Variants in TMOD3 observed in about 807,000 individuals in gnomAD.
TMOD3 encodes tropomodulin 3.
Under a neutral mutation model 39.2 loss-of-function variants are expected in TMOD3, and 20 were observed. The observed-to-expected ratio is 0.51, with a 90% CI of 0.36 to 0.74. The LOEUF is 0.74. Ranked by LOEUF, TMOD3 falls within the 30% of genes least tolerant of loss-of-function variation. The pLI is 0.00. For missense variants in TMOD3, 381 were observed against 412.8 expected (o/e 0.92, Z 0.67); for synonymous variants, 143 against 145.8 (o/e 0.98, Z 0.14).
intron 6 of TMOD3, among the ~76,000 whole-genome samples, chr15:51,895,696 G>A (rs2056617234): frequency 6.6e-6 from 1 of 152,070 alleles, no homozygotes; most frequent in African/African-American, 2.4e-5. Context: ...TTAGTGCTTT[G>A]TAGCTTAAAC....
At chr15:51,835,461 A>G (rs544041860) in intron 1 of TMOD3, among the ~76,000 whole-genome samples, 16 of 152,240 alleles carry the variant, frequency 1.1e-4, no homozygotes, top group African/African-American at 3.9e-4. Flanking sequence ...GGCATGCACC[A>G]CCATAACTGG....
chr15:51,838,230 A>G (rs887877081), intron 1 of TMOD3, among the ~76,000 whole-genome samples: 6 of 152,018 alleles, frequency 3.9e-5, no homozygotes, highest in Non-Finnish European at 8.8e-5. Flanking sequence ...TGTGTAGCTA[A>G]TTCTGTCCCT....
At chr15:51,901,572 A>AGTGTGTGT (rs57976840) in intron 8 of TMOD3, 4,969 of 184,738 alleles carry the variant, frequency 0.027, 74 homozygotes, top group East Asian at 0.074. Flanking sequence ...TAAAAAGTTT[A>AGTGTGTGT]GTGTGTGTGT....
chr15:51,849,827 G>A (rs181548302), intron 1 of TMOD3, among the ~76,000 whole-genome samples: 60 of 152,082 alleles, frequency 3.9e-4, no homozygotes, highest in African/African-American at 1.3e-3. Flanking sequence ...CCAGCTACTC[G>A]GGAGGCTGAA....
intron 2 of TMOD3, among the ~76,000 whole-genome samples, chr15:51,868,456 C>A (rs1295425747): frequency 6.6e-6 from 1 of 152,160 alleles, no homozygotes; most frequent in Non-Finnish European, 1.5e-5. Flanking sequence ...CCTCCACCCT[C>A]CTCTATGCTC....
At chr15:51,882,095 T>C (rs1306317682) in intron 3 of TMOD3, among the ~76,000 whole-genome samples, 1 of 151,558 alleles carries the variant, frequency 6.6e-6, no homozygotes, top group Non-Finnish European at 1.5e-5. Context: ...TGGTGTCACC[T>C]TGTTGGCCAG....
rs1158908027 is a variant in TMOD3, at chr15:51,901,934, A to T, written c.922A>T (p.Met308Leu). 1 of 1,614,154 alleles carries T rather than the reference A, an allele frequency of 6.2e-7. No homozygotes were observed. The highest frequency in any genetic ancestry group is 1.7e-5 in the Admixed American group (1 of 60,024). ...AGCTGTAGAATTGGAAATGGCCAAG[A>T]TGCTTGAGGAAAATACAAATATCCT... ...GTAVELEMAKMLEENTNILKF... is the reference protein window; with the variant it reads ...GTAVELEMAKLLEENTNILKF... Residue 308 changes from methionine to leucine, a missense_variant, in exon 9 of 10, where the codon ATG (methionine) becomes TTG (leucine). By Grantham distance (15) the Met-to-Leu change is conservative (BLOSUM62 2). Transcript: ENST00000308580.
intron 7 of TMOD3, 113 bp downstream of exon 7, chr15:51,896,639 A>G (rs540493333): frequency 3.0e-5 from 21 of 702,452 alleles, no homozygotes; most frequent in Middle Eastern, 2.4e-4. Flanking sequence ...TTAGCTCACT[A>G]TTAGGCAGTA....
At chr15:51,834,377 G>C (rs1189517308) in intron 1 of TMOD3, among the ~76,000 whole-genome samples, 3 of 152,082 alleles carry the variant, frequency 2.0e-5, no homozygotes, top group African/African-American at 7.2e-5. Flanking sequence ...TGCAAAGAAA[G>C]CTTTTTCTTC....
intron 3 of TMOD3, among the ~76,000 whole-genome samples, chr15:51,879,001 T>C (rs904866565): frequency 6.6e-6 from 1 of 152,172 alleles, no homozygotes; most frequent in Non-Finnish European, 1.5e-5. Context: ...GTTGCAGCTG[T>C]AACTTGGTAT....
intron 2 of TMOD3, among the ~76,000 whole-genome samples, chr15:51,864,875 C>CG (rs1416829190): frequency 6.6e-6 from 1 of 151,934 alleles, no homozygotes; most frequent in Non-Finnish European, 1.5e-5. Flanking sequence ...AGGTGTGCTC[C>CG]GGGGGAGGTT....
intron 1 of TMOD3, among the ~76,000 whole-genome samples, chr15:51,842,565 A>C (rs1309757071): frequency 6.6e-6 from 1 of 152,028 alleles, no homozygotes; most frequent in Non-Finnish European, 1.5e-5. Flanking sequence ...TCAGCTATTC[A>C]TTCTGAATAT....
intron 1 of TMOD3, among the ~76,000 whole-genome samples, chr15:51,839,176 T>TTTTTTTTTTTTTTTTTTTTTTTTC (rs1318769932): frequency 6.7e-6 from 1 of 148,314 alleles, no homozygotes; most frequent in Non-Finnish European, 1.5e-5. Flanking sequence ...TTTTTTTTTT[T>TTTTTTTTTTTTTTTTTTTTTTTTC]TTCCATTTTG....
At chr15:51,836,746 AAAAAG>A (rs1269490962) in intron 1 of TMOD3, among the ~76,000 whole-genome samples, 6 of 151,924 alleles carry the variant, frequency 3.9e-5, no homozygotes, top group African/African-American at 1.5e-4. Context: ...AGAAAAAAGA[AAAAAG>A]AAAAATACTG....
At chr15:51,887,427 T>C (rs2056570652) in intron 3 of TMOD3, 162 bp from the exon 4 acceptor site, 2 of 753,510 alleles carry the variant, frequency 2.7e-6, no homozygotes, top group East Asian at 5.7e-5. Context: ...AGCCAAAATA[T>C]TACGCTGGAA....
intron 2 of TMOD3, 45 bp downstream of exon 2, chr15:51,863,055 C>G (rs367766464): frequency 6.3e-7 from 1 of 1,582,692 alleles, no homozygotes; most frequent in South Asian, 1.2e-5. Flanking sequence ...TTTTCGAATT[C>G]TTTGAAACTC....
At chr15:51,870,216 G>A (rs2056468278) in intron 3 of TMOD3, among the ~76,000 whole-genome samples, 1 of 152,130 alleles carries the variant, frequency 6.6e-6, no homozygotes, top group African/African-American at 2.4e-5. Flanking sequence ...TGGGATTACA[G>A]GCATGAGCCA....
chr15:51,883,407 A>T (rs1348211841), intron 3 of TMOD3, among the ~76,000 whole-genome samples: 1 of 152,214 alleles, frequency 6.6e-6, no homozygotes, highest in Non-Finnish European at 1.5e-5. Context: ...TTTAGATTCC[A>T]TCGGTCCCTC....
intron 3 of TMOD3, among the ~76,000 whole-genome samples, chr15:51,876,148 G>A (rs1156748664): frequency 1.3e-5 from 2 of 152,040 alleles, no homozygotes; most frequent in Admixed American, 6.6e-5. Flanking sequence ...TGTCCTGTCT[G>A]TTCTTTGATG....
Sources: allele counts gnomAD v4.1 joint callset (sites outside exome capture counted in the v4.1 genomes callset), GRCh38; gene constraint gnomAD v4.1.1; transcripts MANE v1.5; gene names NCBI Gene and HGNC (gene_info 2026-07-23, HGNC 2026-07-21).